The following TRPM3 variants were observed in gnomAD, a reference collection of about 807,000 sequenced individuals.
TRPM3 encodes transient receptor potential cation channel subfamily M member 3, also known as long transient receptor potential channel 3.
In TRPM3, 77 loss-of-function variants were observed where a neutral mutation model predicts 181.2. The ratio of observed to expected loss-of-function variants is 0.42; its 90% CI spans 0.35 to 0.51. The LOEUF (loss-of-function observed/expected upper bound fraction) is 0.51, where lower values mean the gene tolerates loss of function less well. TRPM3 is among the 20% of genes least tolerant of loss of function. TRPM3 has a pLI of 0.01. For synonymous variants in TRPM3, 745 were observed against 796.4 expected, an observed-to-expected ratio of 0.94 and a Z score of 1.09; for missense variants, 1,759 against 2,196.7, an observed-to-expected ratio of 0.80 and a Z score of 3.98.
At chr9:70,888,743 A>C (rs542425743) in intron 1 of TRPM3, among the ~76,000 whole-genome samples, 1 of 152,308 alleles carries the variant, frequency 6.6e-6, no homozygotes, top group East Asian at 1.9e-4. Flanking sequence ...GAGAAGAGGA[A>C]GGAGATGACA....
intron 6 of TRPM3, 43 bp downstream of exon 6, chr9:70,827,804 A>G (rs1343018483): frequency 6.3e-7 from 1 of 1,596,974 alleles, no homozygotes; most frequent in Non-Finnish European, 8.6e-7. Context: ...CACTTTCAGC[A>G]TACCTCCTAC....
chr9:71,388,533 T>C (rs2092983123), intron 1 of TRPM3, among the ~76,000 whole-genome samples: 2 of 152,086 alleles, frequency 1.3e-5, no homozygotes, highest in Admixed American at 1.3e-4. Flanking sequence ...AAAAACTTCC[T>C]TAAGAAAAAT....
chr9:71,343,427 G>A (rs2091093274), intron 1 of TRPM3, among the ~76,000 whole-genome samples: 1 of 152,020 alleles, frequency 6.6e-6, no homozygotes, highest in South Asian at 2.1e-4. Flanking sequence ...TTTTTGTAGT[G>A]GCATGGGGTG....
chr9:71,007,492 TA>T (rs909591378), intron 1 of TRPM3, among the ~76,000 whole-genome samples: 11 of 151,304 alleles, frequency 7.3e-5, no homozygotes, highest in East Asian at 5.8e-4. Flanking sequence ...TTAACAAACT[TA>T]AAAAAAAATC....
intron 1 of TRPM3, among the ~76,000 whole-genome samples, chr9:71,192,270 G>A (rs1166098905): frequency 1.3e-5 from 2 of 151,766 alleles, no homozygotes; most frequent in Non-Finnish European, 2.9e-5. Context: ...AAGAGAGTTT[G>A]AATGAATACA....
intron 9 of TRPM3, among the ~76,000 whole-genome samples, chr9:70,668,175 AGAAT>A: frequency 6.6e-6 from 1 of 152,298 alleles, no homozygotes; most frequent in East Asian, 1.9e-4. Flanking sequence ...ATCGATGCTC[AGAAT>A]GCAGAGCAAG....
intron 1 of TRPM3, among the ~76,000 whole-genome samples, chr9:71,310,056 T>G: frequency 6.6e-6 from 1 of 152,050 alleles, no homozygotes; most frequent in East Asian, 1.9e-4. Flanking sequence ...GTAAACTATC[T>G]AAATAAAATA....
At chr9:71,420,708 AAAGAAAGAG>A (rs1179281695) in intron 1 of TRPM3, among the ~76,000 whole-genome samples, 5 of 104,838 alleles carry the variant, frequency 4.8e-5, no homozygotes, top group East Asian at 2.8e-4. Flanking sequence ...AAAGAGAGAG[AAAGAAAGAG>A]AGAAAGAGAG....
At chr9:71,168,506 TTTTC>T (rs1259486099) in intron 1 of TRPM3, among the ~76,000 whole-genome samples, 2 of 130,728 alleles carry the variant, frequency 1.5e-5, no homozygotes, top group Non-Finnish European at 3.3e-5. Flanking sequence ...GCCCTGACAT[TTTTC>T]TTTTTTTTTT....
chr9:70,752,845 C>T (rs1271222258), intron 8 of TRPM3, among the ~76,000 whole-genome samples: 1 of 152,114 alleles, frequency 6.6e-6, no homozygotes, highest in Non-Finnish European at 1.5e-5. Flanking sequence ...AGTGGTGGCT[C>T]ATGCCTGTAC....
At position 70,676,179 on chromosome 9, in the gene TRPM3, C is replaced by T. The variant is rs73647112; in HGVS notation, c.1345+5327G>A. The stretch of plus-strand genomic sequence containing the variant: ...AATAAAGGTTACTTTGTCCCTGTGC[C>T]TCAGATGGACTTATTTACCAGTGAA... On this transcript the variant is annotated intron_variant, in intron 9 of 25. Coordinates refer to ENST00000677713, the MANE Select transcript of TRPM3 (RefSeq NM_001366145.2). Among the ~76,000 whole-genome samples, 233 of 152,286 alleles carry T rather than the reference C, an allele frequency of 1.5e-3. 1 individual carries two copies. Among genetic ancestry groups the T allele is most frequent in the African/African-American group, 5.3e-3 (220 of 41,556 alleles).
intron 1 of TRPM3, among the ~76,000 whole-genome samples, chr9:70,985,725 A>G (rs866136437): frequency 1.3e-5 from 2 of 152,206 alleles, no homozygotes; most frequent in Admixed American, 1.3e-4. Flanking sequence ...TGAACCAGAT[A>G]TAATCTCTGC....
chr9:70,945,943 A>G (rs1028954788), intron 1 of TRPM3, among the ~76,000 whole-genome samples: 8 of 152,134 alleles, frequency 5.3e-5, no homozygotes, highest in Admixed American at 1.3e-4. Flanking sequence ...AGTATAGTAC[A>G]TGAATAACAA....
chr9:70,789,949 G>C (rs559012912), intron 6 of TRPM3, among the ~76,000 whole-genome samples: 42 of 152,332 alleles, frequency 2.8e-4, no homozygotes, highest in African/African-American at 9.1e-4. Flanking sequence ...TTGTGAGGGA[G>C]AGAGGTGTCA....
chr9:70,850,568 G>C (rs1267465439), intron 3 of TRPM3, among the ~76,000 whole-genome samples: 1 of 152,136 alleles, frequency 6.6e-6, no homozygotes, highest in African/African-American at 2.4e-5. Flanking sequence ...ATTATGTTCA[G>C]CTTGTTGCAT....
intron 1 of TRPM3, among the ~76,000 whole-genome samples, chr9:71,406,728 C>T (rs1225549530): frequency 1.3e-5 from 2 of 152,150 alleles, no homozygotes; most frequent in African/African-American, 4.8e-5. Context: ...AGAACCATAA[C>T]AAGCAGTTTC....
intron 1 of TRPM3, among the ~76,000 whole-genome samples, chr9:71,031,967 ATATATT>A (rs201738639): frequency 0.93 from 57,796 of 62,126 alleles, 26,804 homozygotes; most frequent in East Asian, 1. Context: ...AATTATATAT[ATATATT>A]ATATATATAT....
intron 1 of TRPM3, among the ~76,000 whole-genome samples, chr9:70,915,479 T>TG (rs1452841348): frequency 2.1e-3 from 316 of 151,314 alleles, no homozygotes; most frequent in African/African-American, 7.2e-3. Context: ...TTTTTTTTTT[T>TG]TATTTTTAGT....
At chr9:71,054,501 C>G (rs2060437610) in intron 1 of TRPM3, among the ~76,000 whole-genome samples, 1 of 152,096 alleles carries the variant, frequency 6.6e-6, no homozygotes, top group Non-Finnish European at 1.5e-5. Context: ...TTATGTAAGT[C>G]AGTCCATCCA....
Sources: gnomAD v4.1 joint callset for allele counts (sites outside exome capture counted in the v4.1 genomes callset) on GRCh38, gnomAD v4.1.1 for gene constraint, MANE v1.5 for transcripts, NCBI Gene and HGNC (gene_info 2026-07-23, HGNC 2026-07-21) for gene names.